ANKRD36: variants seen among roughly 807,000 people sequenced by gnomAD.
ANKRD36 encodes the protein ankyrin repeat domain-containing protein 36A.
Under a neutral mutation model 278.1 loss-of-function variants are expected in ANKRD36, and 179 were observed. That is an observed-to-expected ratio of 0.64 (90% CI 0.57 to 0.73). The LOEUF is 0.73. ANKRD36 is among the 30% of genes least tolerant of loss of function. The pLI is 0.00. For missense variants in ANKRD36, 1,159 were observed against 1,956.7 expected (o/e 0.59, Z 7.69); for synonymous variants, 320 against 641.1 (o/e 0.50, Z 7.57).
chr2:97,145,443 G>A (rs2044020573), intron 10 of ANKRD36, among the ~76,000 whole-genome samples: 1 of 151,952 alleles, frequency 6.6e-6, no homozygotes, highest in African/African-American at 2.4e-5. Context: ...ATGTAAATAT[G>A]CATACATTGG....
intron 4 of ANKRD36, among the ~76,000 whole-genome samples, chr2:97,123,527 T>C (rs1401308647): frequency 1.2e-5 from 1 of 82,120 alleles, no homozygotes; most frequent in African/African-American, 2.9e-5. Flanking sequence ...GTGACCTTGG[T>C]AACATTACTT....
At chr2:97,180,611 A>G (rs1385060068) in intron 24 of ANKRD36, among the ~76,000 whole-genome samples, 1 of 151,682 alleles carries the variant, frequency 6.6e-6, no homozygotes, top group Non-Finnish European at 1.5e-5. Context: ...ACTATTAGGC[A>G]TCAGGGACAC....
chr2:97,132,032 T>C (rs2040311617), intron 6 of ANKRD36, among the ~76,000 whole-genome samples: 1 of 152,026 alleles, frequency 6.6e-6, no homozygotes, highest in Non-Finnish European at 1.5e-5. Context: ...TTTCACCGTG[T>C]TAGCCAGGAT....
At chr2:97,210,978 T>C (rs1271597389) in intron 56 of ANKRD36, among the ~76,000 whole-genome samples, 1 of 151,892 alleles carries the variant, frequency 6.6e-6, no homozygotes, top group Non-Finnish European at 1.5e-5. Context: ...TGAGAGATAA[T>C]GAATATTATC....
chr2:97,170,388 A>C (rs1201959198), intron 22 of ANKRD36, among the ~76,000 whole-genome samples: 1 of 152,066 alleles, frequency 6.6e-6, no homozygotes, highest in Non-Finnish European at 1.5e-5. Context: ...CAGAGCCCTC[A>C]GAAATAACGC....
chr2:97,216,703 AGT>A (rs2066019709), intron 62 of ANKRD36: 1 of 329,958 alleles, frequency 3.0e-6, no homozygotes, highest in African/African-American at 2.2e-5. Context: ...ATTCAACTGA[AGT>A]GTCATTGTAA....
At chr2:97,140,630 G>C (rs1383801093) in intron 6 of ANKRD36, among the ~76,000 whole-genome samples, 1 of 151,996 alleles carries the variant, frequency 6.6e-6, no homozygotes, top group East Asian at 1.9e-4. Flanking sequence ...AAGCCATGGG[G>C]CTGCTTTTGT....
intron 58 of ANKRD36, 33 bp downstream of exon 58, chr2:97,211,774 G>T (rs371717121): frequency 1.3e-6 from 2 of 1,547,310 alleles, no homozygotes; most frequent in South Asian, 2.4e-5. Flanking sequence ...TATGATGTTC[G>T]GTCAGGGTAG....
intron 56 of ANKRD36, among the ~76,000 whole-genome samples, chr2:97,211,099 A>G (rs1450289027): frequency 3.0e-4 from 46 of 151,990 alleles, no homozygotes; most frequent in African/African-American, 1.1e-3. Context: ...GTGCCTTCTC[A>G]GTTATTGGGC....
At position 97,198,657 on chromosome 2, in the gene ANKRD36, A is replaced by C. The variant is rs773031700; in HGVS notation, c.2754A>C (p.Arg918Ser). 29 of 1,541,584 alleles carry C rather than the reference A, an allele frequency of 1.9e-5. No homozygotes were observed. The East Asian group carries it at 7.1e-4, about 38-fold the overall frequency. The change falls in exon 44 of 76, where the codon AGA becomes AGC. Residue 918 changes from arginine to serine, a missense_variant and splice_region_variant. Transcript: ENST00000420699. ...RGKKDGEKTKRVSSRKKPSLE... is the reference protein window; with the variant it reads ...RGKKDGEKTKSVSSRKKPSLE... ...AAAAGGATGGAGAAAAAACTAAGAG[A>C]GGTAATTTTGAAAAGAGATTTAATG...
intron 22 of ANKRD36, among the ~76,000 whole-genome samples, chr2:97,173,664 G>A (rs2053358927): frequency 1.3e-5 from 2 of 151,954 alleles, no homozygotes; most frequent in South Asian, 2.1e-4. Context: ...ACAAAAAAGA[G>A]TGTATGTCAA....
At chr2:97,125,001 C>G (rs1254982294) in intron 5 of ANKRD36, among the ~76,000 whole-genome samples, 1 of 151,718 alleles carries the variant, frequency 6.6e-6, no homozygotes, top group Non-Finnish European at 1.5e-5. Flanking sequence ...GTACTGGGGA[C>G]CATCTACTAT....
At chr2:97,194,228 A>G (rs1050573854) in intron 38 of ANKRD36, among the ~76,000 whole-genome samples, 20 of 151,658 alleles carry the variant, frequency 1.3e-4, no homozygotes, top group Non-Finnish European at 2.8e-4. Flanking sequence ...CACTGAAGAG[A>G]TGTGAAGTGT....
chr2:97,201,664 G>A (rs1346517757), intron 46 of ANKRD36, among the ~76,000 whole-genome samples: 3 of 151,908 alleles, frequency 2.0e-5, no homozygotes, highest in Admixed American at 6.6e-5. Context: ...CAGCAAAGAG[G>A]TATCCAAGGT....
chr2:97,131,834 GA>G lies in ANKRD36; in HGVS notation c.799+4701del, dbSNP rs941158526. On this transcript the variant is annotated intron_variant, in intron 6 of 75. Coordinates refer to ENST00000420699, the MANE Select transcript of ANKRD36 (RefSeq NM_001354587.1). ...TATTTTATGTATGTTTTTATTAATA[GA>G]TTTTTTTTTTTGAGGCTGAGTCTCG... Among the ~76,000 whole-genome samples the G allele has an allele frequency of 1.5e-3, 230 of 151,662 alleles. 2 individuals carry two copies. Among genetic ancestry groups the G allele is most frequent in the African/African-American group, 5.3e-3 (220 of 41,422 alleles).
intron 12 of ANKRD36, among the ~76,000 whole-genome samples, chr2:97,150,874 T>TG (rs2045762072): frequency 3.5e-5 from 1 of 28,600 alleles, no homozygotes; most frequent in African/African-American, 1.3e-4. Flanking sequence ...ATTTTATTGT[T>TG]TTTTTTTTTT....
At chr2:97,211,170 A>G (rs1456955488) in intron 56 of ANKRD36, among the ~76,000 whole-genome samples, 14 of 151,996 alleles carry the variant, frequency 9.2e-5, no homozygotes, top group Admixed American at 5.9e-4. Context: ...GATTTGTTGC[A>G]TGAAAGACAT....
At chr2:97,208,944 C>A (rs1257469291) in intron 54 of ANKRD36, among the ~76,000 whole-genome samples, 92 of 146,632 alleles carry the variant, frequency 6.3e-4, no homozygotes, top group Non-Finnish European at 1.2e-3. Context: ...ATGCTTGTAG[C>A]CATTTTACTT....
At position 97,202,185 on chromosome 2, in the gene ANKRD36, T is replaced by A. The variant is rs1194539054; in HGVS notation, c.2858-17T>A. ...ATATTTACGTATGACTGATTATGAA[T>A]CCCTTTTGCTTTTCAGTGTCTTCTC... On this transcript the variant is annotated splice_polypyrimidine_tract_variant and intron_variant, in intron 46 of 75. Transcript: ENST00000420699. 6.2e-7 allele frequency: 1 copy of A among 1,609,024 alleles called. No individual in the cohort carries two copies. Among genetic ancestry groups the A allele is most frequent in the Non-Finnish European group, 8.5e-7 (1 of 1,178,522 alleles).
Sources: gnomAD v4.1 joint callset for allele counts (sites outside exome capture counted in the v4.1 genomes callset) on GRCh38, gnomAD v4.1.1 for gene constraint, MANE v1.5 for transcripts, NCBI Gene and HGNC (gene_info 2026-07-23, HGNC 2026-07-21) for gene names.